Variants in RGSL1 observed in about 807,000 individuals in gnomAD.
The protein encoded by RGSL1 is regulator of G protein signaling protein-like.
In RGSL1, 97 loss-of-function variants were observed where a neutral mutation model predicts 124.7. That is an observed-to-expected ratio of 0.78 (90% CI 0.66 to 0.92). RGSL1 has a LOEUF of 0.92. Among genes scored for constraint, RGSL1 ranks in the 40% least tolerant of loss-of-function variants. The pLI is 0.00. For synonymous variants in RGSL1, 424 were observed against 438.1 expected (o/e 0.97, Z 0.40); for missense variants, 1,233 against 1,288.4 (o/e 0.96, Z 0.66).
At chr1:182,504,722 G>A (rs1362079626) in intron 9 of RGSL1, among the ~76,000 whole-genome samples, 1 of 152,066 alleles carries the variant, frequency 6.6e-6, no homozygotes, top group African/African-American at 2.4e-5. Flanking sequence ...CTGTTAGCCT[G>A]TGGTCATATA....
upstream of RGSL1, chr1:182,448,285 G>T (rs1323105750): frequency 2.0e-5 from 3 of 152,210 alleles, no homozygotes; most frequent in African/African-American, 7.2e-5. Context: ...GGAATGGCAC[G>T]ATCTCAGCTC....
chr1:182,556,292 G>A lies in RGSL1; in HGVS notation c.*165+70G>A. Reference sequence around the variant, plus strand: ...CAGTGAGTTGGGTCAGGAGACCTGGGCTCTAGGTCTTGCTCCACATCTTCC... The same window carrying A: ...CAGTGAGTTGGGTCAGGAGACCTGGACTCTAGGTCTTGCTCCACATCTTCC... On this transcript the variant is annotated intron_variant, in intron 21 of 21. Coordinates refer to ENST00000294854, the MANE Select transcript of RGSL1 (RefSeq NM_001137669.2). The A allele has an allele frequency of 6.1e-6, 3 of 490,774 alleles. No homozygotes were observed. The South Asian group carries it at 9.8e-5, about 16-fold the overall frequency. 30.4% of individuals were successfully genotyped at this position (490,774 alleles called of 1,614,324 possible).
At chr1:182,494,969 G>A (rs1655810113) in intron 9 of RGSL1, among the ~76,000 whole-genome samples, 1 of 152,194 alleles carries the variant, frequency 6.6e-6, no homozygotes, top group African/African-American at 2.4e-5. Context: ...CCCATTGAGG[G>A]ATCAATCACT....
chr1:182,451,317 G>C (rs1214207885), intron 1 of RGSL1, among the ~76,000 whole-genome samples: 1 of 152,066 alleles, frequency 6.6e-6, no homozygotes, highest in Non-Finnish European at 1.5e-5. Flanking sequence ...TATATCGATG[G>C]ATAAAAACAG....
chr1:182,463,065 G>A (rs976035824), intron 4 of RGSL1, among the ~76,000 whole-genome samples: 12 of 152,030 alleles, frequency 7.9e-5, no homozygotes, highest in Admixed American at 2.6e-4. Flanking sequence ...AGGCTGAGAC[G>A]GGCGGATCAT....
intron 9 of RGSL1, among the ~76,000 whole-genome samples, chr1:182,509,670 G>A (rs1657200825): frequency 8.3e-6 from 1 of 120,514 alleles, no homozygotes; most frequent in African/African-American, 3.2e-5. Flanking sequence ...GCGGGGGGCT[G>A]AACCCCCCAC....
At chr1:182,529,234 C>T (rs1658989983) in intron 11 of RGSL1, among the ~76,000 whole-genome samples, 1 of 152,114 alleles carries the variant, frequency 6.6e-6, no homozygotes. Context: ...TAGGGATAGG[C>T]AGCTCCACTT....
chr1:182,479,082 A>T (rs1344378096), intron 6 of RGSL1, among the ~76,000 whole-genome samples: 2 of 152,234 alleles, frequency 1.3e-5, no homozygotes, highest in Non-Finnish European at 2.9e-5. Context: ...CCTTACAAAA[A>T]GTGCTAAAGG....
intron 6 of RGSL1, among the ~76,000 whole-genome samples, chr1:182,487,204 T>A (rs1478194018): frequency 6.6e-6 from 1 of 152,166 alleles, no homozygotes; most frequent in Non-Finnish European, 1.5e-5. Flanking sequence ...AAAATTTATA[T>A]CCCTAAACTC....
chr1:182,488,358 C>A lies in RGSL1; in HGVS notation c.1494+11C>A. 9 of 1,550,986 alleles carry A rather than the reference C, an allele frequency of 5.8e-6. No homozygotes were observed. Among genetic ancestry groups the A allele is most frequent in the Non-Finnish European group, 7.9e-6 (9 of 1,146,030 alleles). ...TTTCTCCTTTTTACGGTAGGAAGGA[C>A]TTTGGGTTAGGAAGGAATCATGAGG... On this transcript the variant is annotated intron_variant, in intron 7 of 21. Coordinates refer to ENST00000294854, the MANE Select transcript of RGSL1 (RefSeq NM_001137669.2).
chr1:182,458,327 T>C lies in RGSL1; in HGVS notation c.105T>C (p.Gly35=), dbSNP rs2101990735. The part of the protein sequence containing the change: ...FNTFLSLPVF[G]QTPFYTVENS... ...CTAGCTTTGTTTTGCAGGTTTTTGG[T>C]CAGACACCATTTTATACTGTTGAAA... The change falls in exon 3 of 22, where the codon GGT becomes GGC. Residue 35 remains glycine (G), a synonymous_variant. Transcript: ENST00000294854. 4 of 1,552,022 alleles carry C rather than the reference T, an allele frequency of 2.6e-6. No homozygotes were observed. Among genetic ancestry groups the C allele is most frequent in the South Asian group, 1.2e-5 (1 of 84,040 alleles).
chr1:182,554,037 T>C (rs189711323), intron 19 of RGSL1, among the ~76,000 whole-genome samples: 1 of 152,300 alleles, frequency 6.6e-6, no homozygotes, highest in East Asian at 1.9e-4. Flanking sequence ...CCATATTATA[T>C]TCTTTTTCTT....
chr1:182,468,979 T>C (rs571265498), intron 4 of RGSL1, among the ~76,000 whole-genome samples: 12 of 152,116 alleles, frequency 7.9e-5, no homozygotes, highest in Admixed American at 4.6e-4. Flanking sequence ...TGCGAAATAA[T>C]GAAATTGGAC....
At chr1:182,517,753 A>C (rs1658008927) in intron 9 of RGSL1, among the ~76,000 whole-genome samples, 1 of 152,250 alleles carries the variant, frequency 6.6e-6, no homozygotes, top group Non-Finnish European at 1.5e-5. Context: ...TGTTTGTTAA[A>C]TTTCTTCAAT....
rs1348979141 is a variant in RGSL1 at position 182,548,799 on chromosome 1, C to T, written c.2908C>T (p.Pro970Ser). ...VFHGAIMSVF[P>S]VVMYFWKRFC... ...CCATGGGGCTATCATGTCTGTCTTC[C>T]CCGTTGTTATGTACTTCTGGAAAAG... Residue 970 changes from proline to serine, a missense_variant, in exon 17 of 22, where the codon CCC becomes TCC. Physicochemically the swap from Pro to Ser is moderately conservative, Grantham distance 74 (BLOSUM62 -1). Coordinates refer to ENST00000294854, the MANE Select transcript of RGSL1 (RefSeq NM_001137669.2). 3 of 1,551,458 alleles carry T rather than the reference C, an allele frequency of 1.9e-6. No homozygotes were observed. The East Asian group carries it at 7.3e-5, about 38-fold the overall frequency.
At chr1:182,543,594 A>T (rs1229404044) in intron 15 of RGSL1, among the ~76,000 whole-genome samples, 3 of 151,866 alleles carry the variant, frequency 2.0e-5, no homozygotes, top group Non-Finnish European at 4.4e-5. Context: ...TCCCTTTTAA[A>T]TTTTTTAAGA....
chr1:182,473,813 G>A lies in RGSL1; in HGVS notation c.702G>A (p.Met234Ile). ...ACATAGGAGGGCTCCCTCTGAACAT[G>A]AGCATCAAGAAGTGCCACCACTTTC... ...YTHIGGLPLN[M>I]SIKKCHHFQK... The change falls in exon 6 of 22, where the codon ATG becomes ATA. Residue 234 changes from methionine (M) to isoleucine (I), a missense_variant. Transcript: ENST00000294854. 6.4e-7 allele frequency: 1 copy of A among 1,551,736 alleles called. No individual in the cohort carries two copies. Among genetic ancestry groups the A allele is most frequent in the Non-Finnish European group, 8.7e-7 (1 of 1,146,996 alleles).
intron 9 of RGSL1, among the ~76,000 whole-genome samples, chr1:182,509,195 T>C (rs1657098999): frequency 1.4e-5 from 1 of 71,010 alleles, no homozygotes; most frequent in Admixed American, 1.2e-4. Flanking sequence ...CTCAATGAGC[T>C]GTTGGGCACA....
intron 4 of RGSL1, chr1:182,471,238 G>A (rs1416322039): frequency 2.2e-6 from 1 of 457,120 alleles, no homozygotes; most frequent in African/African-American, 2.0e-5. Flanking sequence ...GGGGTCAGGG[G>A]AAGAGTTCAT....
Sources: gnomAD v4.1 joint callset for allele counts (sites outside exome capture counted in the v4.1 genomes callset) on GRCh38, gnomAD v4.1.1 for gene constraint, MANE v1.5 for transcripts, NCBI Gene and HGNC (gene_info 2026-07-23, HGNC 2026-07-21) for gene names.